The following ZBED4 variants were observed in gnomAD, a reference collection of about 807,000 sequenced individuals.
ZBED4 encodes the protein zinc finger BED-type containing 4.
Under a neutral mutation model 15.5 loss-of-function variants are expected in ZBED4, and 4 were observed. The ratio of observed to expected loss-of-function variants is 0.26; its 90% confidence interval spans 0.13 to 0.59. ZBED4 has a LOEUF of 0.59. Among genes scored for constraint, ZBED4 ranks in the 20% least tolerant of loss-of-function variants. The pLI is 0.90. For synonymous variants in ZBED4, 692 were observed against 608.5 expected (o/e 1.14, Z -2.02); for missense variants, 1,323 against 1,461.8 (o/e 0.91, Z 1.55).
Position 49,887,266 on chromosome 22 carries a change from T to C in ZBED4, c.*88T>C. The C allele has an allele frequency of 7.1e-7, 1 of 1,400,100 alleles. No homozygotes were observed. The highest frequency in any genetic ancestry group is 1.4e-5 in the South Asian group (1 of 73,278). 86.7% of individuals were successfully genotyped at this position (1,400,100 alleles called of 1,614,324 possible). On this transcript the variant is annotated 3_prime_UTR_variant, in exon 2 of 2. Coordinates refer to ENST00000216268, the MANE Select transcript of ZBED4 (RefSeq NM_014838.3). ...GTCTATGACCCGCTCTGCCCACGGC[T>C]GTGTACGACATCAGACCAGGCACTC...
intron 1 of ZBED4, among the ~76,000 whole-genome samples, chr22:49,865,863 CTT>C (rs112145673): frequency 2.9e-5 from 4 of 139,482 alleles, no homozygotes; most frequent in Non-Finnish European, 1.6e-5. Context: ...TTCACATTTT[CTT>C]TTTTTTTTTT....
At chr22:49,861,276 G>C (rs1235062563) in intron 1 of ZBED4, among the ~76,000 whole-genome samples, 1 of 151,528 alleles carries the variant, frequency 6.6e-6, no homozygotes, top group African/African-American at 2.4e-5. Context: ...TGAGTAGCTG[G>C]GACTACAGGC....
chr22:49,865,198 G>A (rs2060316420), intron 1 of ZBED4, among the ~76,000 whole-genome samples: 1 of 152,116 alleles, frequency 6.6e-6, no homozygotes, highest in Non-Finnish European at 1.5e-5. Context: ...CTACACTGAA[G>A]CCTGTAGGCA....
At chr22:49,867,256 G>A (rs2295407) in intron 1 of ZBED4, among the ~76,000 whole-genome samples, 17,027 of 152,174 alleles carry the variant, frequency 0.11, 1,306 homozygotes, top group African/African-American at 0.21. Flanking sequence ...GTGTTTAGAG[G>A]ACTTGTATAG....
chr22:49,864,618 A>ACAGTGAGCTGAGATTGTGTACTGCACT (rs1279698667), intron 1 of ZBED4, among the ~76,000 whole-genome samples: 35 of 151,936 alleles, frequency 2.3e-4, no homozygotes, highest in Admixed American at 4.6e-4. Context: ...GGAGTTTGAG[A>ACAGTGAGCTGAGATTGTGTACTGCACT]CCAGCCTCAG....
At chr22:49,856,458 G>A (rs1207562554) in intron 1 of ZBED4, among the ~76,000 whole-genome samples, 1 of 152,250 alleles carries the variant, frequency 6.6e-6, no homozygotes, top group Non-Finnish European at 1.5e-5. Flanking sequence ...AGGGTCTGGG[G>A]GCGATGGCGG....
At position 49,886,679 on chromosome 22, in the gene ZBED4, C is replaced by T. The variant is rs762308054; in HGVS notation, c.3017C>T (p.Thr1006Met). The change falls in exon 2 of 2, where the codon ACG becomes ATG. Residue 1006 changes from threonine (T) to methionine (M), a missense_variant. By Grantham distance (81) the Thr-to-Met change is moderately conservative. Coordinates refer to ENST00000216268, the MANE Select transcript of ZBED4 (RefSeq NM_014838.3). The surrounding 1 kb of genome is among the most constrained non-coding windows in gnomAD (Gnocchi z 7.7). ...CACGACCCGCGGTACGTCTTCGCCA[C>T]GCTGCTGGATCCTCGCTACAAGGCC... ...TLHDPRYVFA[T>M]LLDPRYKASL... 3.1e-6 allele frequency: 5 copies of T among 1,611,994 alleles called. No homozygotes were observed. The highest frequency in any genetic ancestry group is 1.7e-5 in the Admixed American group (1 of 59,696).
At chr22:49,854,444 G>A (rs1036384853) in intron 1 of ZBED4, among the ~76,000 whole-genome samples, 2 of 152,200 alleles carry the variant, frequency 1.3e-5, no homozygotes, top group Non-Finnish European at 2.9e-5. Context: ...CCTGCTTCAT[G>A]TCTCAGCCCA....
chr22:49,869,351 T>TGGC (rs2060336051), intron 1 of ZBED4, among the ~76,000 whole-genome samples: 1 of 152,230 alleles, frequency 6.6e-6, no homozygotes, highest in Non-Finnish European at 1.5e-5. Flanking sequence ...CGTACCCGCG[T>TGGC]GGTGGTTATC....
intron 1 of ZBED4, among the ~76,000 whole-genome samples, chr22:49,869,234 A>G (rs572224943): frequency 1.3e-5 from 2 of 152,028 alleles, no homozygotes; most frequent in East Asian, 3.9e-4. Context: ...GCTTTGATTC[A>G]CGTACACACA....
intron 1 of ZBED4, among the ~76,000 whole-genome samples, chr22:49,865,609 A>C (rs886529779): frequency 4.6e-5 from 7 of 152,130 alleles, no homozygotes; most frequent in African/African-American, 1.7e-4. Context: ...CGGGAGGCAG[A>C]GGGTGCAGTG....
chr22:49,861,633 C>T (rs2060297641), intron 1 of ZBED4, among the ~76,000 whole-genome samples: 2 of 152,170 alleles, frequency 1.3e-5, no homozygotes, highest in Admixed American at 1.3e-4. Flanking sequence ...ATGGGAGTCT[C>T]ACTATGTTAC....
At chr22:49,861,364 A>G (rs1438155817) in intron 1 of ZBED4, among the ~76,000 whole-genome samples, 1 of 151,882 alleles carries the variant, frequency 6.6e-6, no homozygotes, top group African/African-American at 2.4e-5. Flanking sequence ...CTGGCCTCAA[A>G]CTCTTGGCTG....
intron 1 of ZBED4, among the ~76,000 whole-genome samples, chr22:49,864,817 C>A (rs1387427896): frequency 4.0e-5 from 1 of 25,084 alleles, no homozygotes. Flanking sequence ...GAGACCCTGT[C>A]TCCAAAAAAA....
At chr22:49,877,929 G>C (rs899335013) in intron 1 of ZBED4, among the ~76,000 whole-genome samples, 1 of 152,136 alleles carries the variant, frequency 6.6e-6, no homozygotes. Flanking sequence ...GCTGCATAAT[G>C]ATCCATTGTA....
At chr22:49,871,417 G>A (rs1006813537) in intron 1 of ZBED4, among the ~76,000 whole-genome samples, 2 of 151,962 alleles carry the variant, frequency 1.3e-5, no homozygotes, top group Admixed American at 6.6e-5. Flanking sequence ...CTTGGGAGGC[G>A]AAGCTTACAG....
At chr22:49,881,442 G>A (rs2060409089) in intron 1 of ZBED4, among the ~76,000 whole-genome samples, 1 of 152,252 alleles carries the variant, frequency 6.6e-6, no homozygotes, top group Non-Finnish European at 1.5e-5. Flanking sequence ...CTGGAGTGCA[G>A]TGGCACAATG....
chr22:49,872,362 G>C (rs1305638147), intron 1 of ZBED4, among the ~76,000 whole-genome samples: 3 of 152,096 alleles, frequency 2.0e-5, no homozygotes, highest in Non-Finnish European at 4.4e-5. Flanking sequence ...CCGTATCTTT[G>C]GGTTCTGTGT....
upstream of ZBED4, chr22:49,853,161 G>A (rs2060258566): frequency 6.6e-6 from 1 of 152,288 alleles, no homozygotes; most frequent in Admixed American, 6.5e-5. Context: ...AAACATTTGT[G>A]TTAGGAAATA....
Sources: allele counts gnomAD v4.1 joint callset (sites outside exome capture counted in the v4.1 genomes callset), GRCh38; gene constraint gnomAD v4.1.1; non-coding constraint Gnocchi (gnomAD v3.1); transcripts MANE v1.5; gene names NCBI Gene and HGNC (gene_info 2026-07-23, HGNC 2026-07-21).